QKI: variants seen among roughly 807,000 people sequenced by gnomAD.
QKI encodes the protein QKI, KH domain containing RNA binding.
In QKI, 10 loss-of-function variants were observed where a neutral mutation model predicts 39.0. The ratio of observed to expected loss-of-function variants is 0.26; its 90% CI spans 0.16 to 0.43. The LOEUF (loss-of-function observed/expected upper bound fraction) is 0.43. Among genes scored for constraint, QKI ranks in the 20% least tolerant of loss-of-function variants. The probability of loss-of-function intolerance (pLI) is 1.00; values close to 1 mark genes in which losing one functional copy is unlikely to be tolerated. For synonymous variants in QKI, 204 were observed against 155.4 expected, an observed-to-expected ratio of 1.31 and a Z score of -2.33; for missense variants, 218 against 428.0, an observed-to-expected ratio of 0.51 and a Z score of 4.33.
At chr6:163,425,617 TA>T (rs1316262655) in intron 1 of QKI, among the ~76,000 whole-genome samples, 4 of 152,178 alleles carry the variant, frequency 2.6e-5, no homozygotes, top group Non-Finnish European at 5.9e-5. Context: ...ATAGTATTAA[TA>T]AAAATATTTA....
chr6:163,548,595 T>G (rs575172123), intron 4 of QKI, among the ~76,000 whole-genome samples: 2 of 152,286 alleles, frequency 1.3e-5, no homozygotes, highest in South Asian at 4.1e-4. Context: ...AAGATTGTAA[T>G]AGAACATGGT....
intron 3 of QKI, among the ~76,000 whole-genome samples, chr6:163,486,996 A>C (rs1777723621): frequency 6.6e-6 from 1 of 152,218 alleles, no homozygotes; most frequent in Non-Finnish European, 1.5e-5. Context: ...TTTTATTCTT[A>C]TGAAATATGT....
At chr6:163,510,069 A>C (rs1359294766) in intron 3 of QKI, among the ~76,000 whole-genome samples, 1 of 152,036 alleles carries the variant, frequency 6.6e-6, no homozygotes, top group African/African-American at 2.4e-5. Context: ...ACAAAAAATT[A>C]GCTGGATGTG....
chr6:163,539,315 G>T lies in QKI; in HGVS notation c.546+4190G>T, dbSNP rs1230854761. ...CATTGGTGACCTTGCCAGTCAATTT[G>T]TTTTTTTTGGAACAGTGGGGTTAAA... On this transcript the variant is annotated intron_variant, in intron 4 of 7. Coordinates refer to ENST00000361752, the MANE Select transcript of QKI (RefSeq NM_006775.3). Among the ~76,000 whole-genome samples the T allele has an allele frequency of 2.6e-5, 4 of 151,982 alleles. No homozygotes were observed. The East Asian group carries it at 5.8e-4, about 22-fold the overall frequency.
intron 3 of QKI, among the ~76,000 whole-genome samples, chr6:163,502,233 G>A (rs1778815576): frequency 6.6e-6 from 1 of 152,068 alleles, no homozygotes; most frequent in African/African-American, 2.4e-5. Flanking sequence ...TGAGGTGGGA[G>A]GATCACTTGA....
At chr6:163,419,689 C>G (rs983422789) in intron 1 of QKI, among the ~76,000 whole-genome samples, 4 of 152,100 alleles carry the variant, frequency 2.6e-5, no homozygotes, top group Admixed American at 2.6e-4. Flanking sequence ...ACTTTTAAAG[C>G]TAAATTCCCC....
intron 2 of QKI, among the ~76,000 whole-genome samples, chr6:163,467,318 G>A (rs916386357): frequency 6.6e-6 from 1 of 152,216 alleles, no homozygotes; most frequent in Non-Finnish European, 1.5e-5. Context: ...AAGCTGGAGG[G>A]AGGGATTCAG....
chr6:163,570,042 A>G (rs1039056811), intron 7 of QKI: 1 of 986,424 alleles, frequency 1.0e-6, no homozygotes, highest in Non-Finnish European at 1.2e-6. Context: ...CTACACTGCT[A>G]GACTACAGTT....
intron 3 of QKI, among the ~76,000 whole-genome samples, chr6:163,517,050 A>ACC (rs1433548415): frequency 9.1e-5 from 8 of 87,836 alleles, no homozygotes; most frequent in African/African-American, 2.8e-4. Flanking sequence ...ACACACACAC[A>ACC]CACACTCACT....
At chr6:163,460,042 G>A (rs1791229646) in intron 2 of QKI, among the ~76,000 whole-genome samples, 1 of 152,180 alleles carries the variant, frequency 6.6e-6, no homozygotes, top group Non-Finnish European at 1.5e-5. Flanking sequence ...TCAATTTCAA[G>A]TTGTTAGAAA....
intron 1 of QKI, among the ~76,000 whole-genome samples, chr6:163,428,463 TTACTA>T (rs1261042235): frequency 2.0e-5 from 3 of 152,186 alleles, no homozygotes; most frequent in African/African-American, 7.2e-5. Context: ...GTGTCATAGT[TTACTA>T]TATGTTATAT....
chr6:163,566,598 G>C, intron 6 of QKI, 123 bp from the exon 7 acceptor site: 1 of 1,533,152 alleles, frequency 6.5e-7, no homozygotes, highest in Non-Finnish European at 8.8e-7. Context: ...GTGCCTTAAC[G>C]TGTTTCTTAA....
At chr6:163,517,005 TAAC>T (rs1387878067) in intron 3 of QKI, among the ~76,000 whole-genome samples, 5 of 151,668 alleles carry the variant, frequency 3.3e-5, no homozygotes, top group African/African-American at 7.3e-5. Context: ...AAGAAAAGCT[TAAC>T]AAGTTTCAAC....
chr6:163,532,595 T>G (rs1399985635), intron 3 of QKI, among the ~76,000 whole-genome samples: 1 of 152,214 alleles, frequency 6.6e-6, no homozygotes, highest in African/African-American at 2.4e-5. Flanking sequence ...GTTTAGTTTT[T>G]TCCTACCACT....
chr6:163,483,904 A>G (rs565275588), intron 3 of QKI, among the ~76,000 whole-genome samples: 16 of 152,364 alleles, frequency 1.1e-4, no homozygotes, highest in East Asian at 7.7e-4. Flanking sequence ...CTATAGGCCT[A>G]TGAAAGACAT....
intron 4 of QKI, among the ~76,000 whole-genome samples, chr6:163,552,026 G>A (rs1470290401): frequency 6.6e-6 from 1 of 152,048 alleles, no homozygotes; most frequent in Non-Finnish European, 1.5e-5. Context: ...ACCTGCTGTT[G>A]ACAGGAAGCA....
chr6:163,466,877 A>T (rs1160677062), intron 2 of QKI, among the ~76,000 whole-genome samples: 1 of 152,164 alleles, frequency 6.6e-6, no homozygotes, highest in Admixed American at 6.6e-5. Context: ...AATAAACAGG[A>T]CTACATCAAG....
chr6:163,452,377 A>G (rs1790634378), intron 1 of QKI, among the ~76,000 whole-genome samples: 1 of 152,154 alleles, frequency 6.6e-6, no homozygotes, highest in Non-Finnish European at 1.5e-5. Context: ...ATTGAGTGAT[A>G]TATCTTAGAG....
Position 163,577,567 on chromosome 6 carries a change from TG to T in QKI, c.*6859del, listed in dbSNP as rs1483367410. The T allele has an allele frequency of 6.6e-6, 1 of 152,514 alleles. No homozygotes were observed. The highest frequency in any genetic ancestry group is 1.5e-5 in the Non-Finnish European group (1 of 68,022). 9.4% of individuals were successfully genotyped at this position (152,514 alleles called of 1,614,324 possible). ...CGGTCCCCTGAAGCCAAGTATTCCC[TG>T]GTTAGTCGCCACCCCACCACTCCTT... On this transcript the variant is annotated 3_prime_UTR_variant, in exon 8 of 8. Coordinates refer to ENST00000361752, the MANE Select transcript of QKI (RefSeq NM_006775.3).
Sources: allele counts gnomAD v4.1 joint callset (sites outside exome capture counted in the v4.1 genomes callset), GRCh38; gene constraint gnomAD v4.1.1; transcripts MANE v1.5; gene names NCBI Gene and HGNC (gene_info 2026-07-23, HGNC 2026-07-21).